The following SNX24 variants were observed in gnomAD, a reference collection of about 807,000 sequenced individuals.
The protein encoded by SNX24 is sorting nexin 24, also known as sorting nexin-24.
Under a neutral mutation model 28.7 loss-of-function variants are expected in SNX24, and 22 were observed. The observed-to-expected ratio is 0.77, with a 90% CI of 0.55 to 1.10. SNX24 has a LOEUF of 1.10. Among genes scored for constraint, SNX24 ranks in the 50% least tolerant of loss-of-function variants. The pLI is 0.00. For missense variants in SNX24, 221 were observed against 201.1 expected (o/e 1.10, Z -0.60); for synonymous variants, 69 against 71.5 (o/e 0.96, Z 0.18).
chr5:122,957,681 G>C (rs775943523), intron 3 of SNX24, among the ~76,000 whole-genome samples: 1 of 152,090 alleles, frequency 6.6e-6, no homozygotes, highest in African/African-American at 2.4e-5. Flanking sequence ...ACATTTATTT[G>C]TGTCTTCTTT....
chr5:122,956,365 TATACAC>T (rs1427783085), intron 3 of SNX24, among the ~76,000 whole-genome samples: 10 of 61,400 alleles, frequency 1.6e-4, no homozygotes, highest in African/African-American at 5.7e-4. Flanking sequence ...AAAAAAAATA[TATACAC>T]ACACACACAC....
chr5:122,878,918 A>G (rs1756351564), intron 1 of SNX24, among the ~76,000 whole-genome samples: 1 of 151,664 alleles, frequency 6.6e-6, no homozygotes, highest in African/African-American at 2.4e-5. Flanking sequence ...CAAGGCTGCA[A>G]TGAACTGTGA....
At chr5:122,890,397 T>C (rs2150069926) in intron 1 of SNX24, among the ~76,000 whole-genome samples, 1 of 152,252 alleles carries the variant, frequency 6.6e-6, no homozygotes, top group East Asian at 1.9e-4. Context: ...GTTTTTACTC[T>C]CTTGTTGGCA....
rs1325054329 is a variant in SNX24 at position 122,925,951 on chromosome 5, AAACC to A, written c.61-10771_61-10768del. On this transcript the variant is annotated intron_variant, in intron 1 of 6. Transcript: ENST00000261369. ...ATAATTTGTTAGACAAACAGACAAT[AAACC>A]AACCAACCAACAAGCAAACATTGTA... Among the ~76,000 whole-genome samples, 15 of 152,318 alleles carry A rather than the reference AAACC, an allele frequency of 9.8e-5. No individual in the cohort carries two copies. The South Asian group carries it at 1.0e-3, about 11-fold the overall frequency.
intron 1 of SNX24, among the ~76,000 whole-genome samples, chr5:122,894,798 C>T (rs1757131627): frequency 6.6e-6 from 1 of 152,084 alleles, no homozygotes; most frequent in Admixed American, 6.6e-5. Flanking sequence ...CTGGATGCTC[C>T]CAGTAATTCT....
intron 1 of SNX24, among the ~76,000 whole-genome samples, chr5:122,929,380 C>A (rs1019116630): frequency 7.2e-5 from 11 of 152,106 alleles, no homozygotes; most frequent in African/African-American, 2.2e-4. Flanking sequence ...AAAACTGTTC[C>A]AAGGAATGTT....
chr5:122,981,824 G>A (rs1444599443), intron 3 of SNX24, among the ~76,000 whole-genome samples: 3 of 152,124 alleles, frequency 2.0e-5, no homozygotes, highest in African/African-American at 7.2e-5. Context: ...ATTAAAAGTG[G>A]TAGTGCCTTC....
chr5:122,908,803 T>A (rs1757756405), intron 1 of SNX24, among the ~76,000 whole-genome samples: 1 of 152,176 alleles, frequency 6.6e-6, no homozygotes, highest in Non-Finnish European at 1.5e-5. Context: ...TAGGGGAAGA[T>A]CGTCAGGGTC....
chr5:122,965,644 G>A (rs1263390590), intron 3 of SNX24: 2 of 280,152 alleles, frequency 7.1e-6, no homozygotes, highest in Non-Finnish European at 1.5e-5. Context: ...ATTTCTCATA[G>A]TAAGTAATTT....
At position 122,869,172 on chromosome 5, in the gene SNX24, T is replaced by C. The variant is rs1288100701; in HGVS notation, c.60+23479T>C. ...AATTAGATCTCATTGTCAGTAGAAA[T>C]TGATGACTGCAGCTTCCAAACTATT... On this transcript the variant is annotated intron_variant, in intron 1 of 6. Transcript: ENST00000261369. Among the ~76,000 whole-genome samples, 3 of 152,334 alleles carry C rather than the reference T, an allele frequency of 2.0e-5. No individual in the cohort carries two copies. The East Asian group carries it at 5.8e-4, about 29-fold the overall frequency.
At chr5:122,963,286 G>A (rs908618112) in intron 3 of SNX24, among the ~76,000 whole-genome samples, 6 of 152,044 alleles carry the variant, frequency 3.9e-5, no homozygotes, top group South Asian at 4.2e-4. Context: ...GCTGTTTGGC[G>A]GCTCACAGCT....
intron 3 of SNX24, among the ~76,000 whole-genome samples, chr5:122,947,191 T>C (rs1299731602): frequency 6.6e-6 from 1 of 152,160 alleles, no homozygotes; most frequent in Non-Finnish European, 1.5e-5. Flanking sequence ...CTCCCTTTGA[T>C]ATCTTCATGG....
intron 3 of SNX24, among the ~76,000 whole-genome samples, chr5:122,953,127 C>G (rs1760038054): frequency 6.9e-6 from 1 of 145,954 alleles, no homozygotes; most frequent in Non-Finnish European, 1.5e-5. Context: ...TTTTTGGAAA[C>G]AGAGTCTTGC....
chr5:123,021,162 C>A (rs1036346419), intron 5 of SNX24, among the ~76,000 whole-genome samples: 1 of 151,950 alleles, frequency 6.6e-6, no homozygotes, highest in South Asian at 2.1e-4. Context: ...CGCTGACCAC[C>A]CCTTCACTGT....
At chr5:122,917,182 G>A (rs868800350) in intron 1 of SNX24, among the ~76,000 whole-genome samples, 3 of 151,648 alleles carry the variant, frequency 2.0e-5, no homozygotes, top group Non-Finnish European at 2.9e-5. Flanking sequence ...GCTTGAACCC[G>A]GGAGGTGGAG....
chr5:122,877,372 A>G (rs1473737854), intron 1 of SNX24, among the ~76,000 whole-genome samples: 3 of 152,250 alleles, frequency 2.0e-5, no homozygotes, highest in Non-Finnish European at 4.4e-5. Flanking sequence ...GATTGAACTT[A>G]CCTTGGTATG....
At chr5:122,903,111 G>T (rs878983284) in intron 1 of SNX24, among the ~76,000 whole-genome samples, 5 of 151,444 alleles carry the variant, frequency 3.3e-5, no homozygotes, top group African/African-American at 9.7e-5. Context: ...ACGTTTTTTT[G>T]TTTGTTTTTT....
chr5:122,959,833 G>A (rs1185713339), intron 3 of SNX24, among the ~76,000 whole-genome samples: 1 of 152,060 alleles, frequency 6.6e-6, no homozygotes, highest in Non-Finnish European at 1.5e-5. Context: ...AGGAGCAGAG[G>A]TTTTGATAGG....
chr5:122,912,144 C>G (rs1168139835), intron 1 of SNX24, among the ~76,000 whole-genome samples: 2 of 135,846 alleles, frequency 1.5e-5, no homozygotes, highest in Non-Finnish European at 3.1e-5. Flanking sequence ...CTTTTATTTC[C>G]TTGAGCAGTG....
Sources: allele counts gnomAD v4.1 joint callset (sites outside exome capture counted in the v4.1 genomes callset), GRCh38; gene constraint gnomAD v4.1.1; transcripts MANE v1.5; gene names NCBI Gene and HGNC (gene_info 2026-07-23, HGNC 2026-07-21).